The following ZC3H13 variants were observed in gnomAD, a reference collection of about 807,000 sequenced individuals.
ZC3H13 encodes the protein zinc finger CCCH-type containing 13.
A neutral mutation model predicts 204.1 loss-of-function variants in ZC3H13; 64 were observed. The observed-to-expected ratio is 0.31, with a 90% CI of 0.26 to 0.39. The LOEUF (loss-of-function observed/expected upper bound fraction) is 0.39, where lower values mean the gene tolerates loss of function less well. Among genes scored for constraint, ZC3H13 ranks in the 10% least tolerant of loss-of-function variants. The pLI, the probability that ZC3H13 is intolerant of heterozygous loss-of-function variation, is 1.00. For missense variants in ZC3H13, 1,833 were observed against 2,082.7 expected (o/e 0.88, Z 2.33); for synonymous variants, 667 against 693.7 (o/e 0.96, Z 0.60).
At chr13:46,018,968 T>A (rs2042070708) in intron 5 of ZC3H13, among the ~76,000 whole-genome samples, 1 of 152,176 alleles carries the variant, frequency 6.6e-6, no homozygotes, top group South Asian at 2.1e-4. Flanking sequence ...TTTATTTAAA[T>A]ATACTAGTCA....
chr13:46,049,322 A>T (rs1160541246), intron 1 of ZC3H13, among the ~76,000 whole-genome samples: 1 of 152,000 alleles, frequency 6.6e-6, no homozygotes, highest in Admixed American at 6.5e-5. Context: ...ACATATTCTT[A>T]ATAAAATGTT....
chr13:45,959,464 TC>T lies in ZC3H13; in HGVS notation c.4839+18del. 2 of 1,517,910 alleles carry T rather than the reference TC, an allele frequency of 1.3e-6. No homozygotes were observed. The highest frequency in any genetic ancestry group is 5.0e-5 in the East Asian group (2 of 39,768). The allele number at this position is 1,517,910 out of a possible 1,614,324, so 94.0% of individuals were successfully genotyped here. A position where few individuals can be genotyped will look rare whatever the true frequency, so the allele number is the denominator to read the frequency against. On this transcript the variant is annotated intron_variant, in intron 18 of 18. Coordinates refer to ENST00000679008, the MANE Select transcript of ZC3H13 (RefSeq NM_001330564.2). ...TTCACACTATTCACTTTGTATTTTTTCCAAGGAAATAACAGTACCTTCTCAT... is the reference window on the plus strand; with the variant it reads ...TTCACACTATTCACTTTGTATTTTTTCAAGGAAATAACAGTACCTTCTCAT...
intron 1 of ZC3H13, chr13:46,051,903 C>T (rs2044456309): frequency 6.6e-6 from 1 of 150,692 alleles, no homozygotes; most frequent in African/African-American, 2.4e-5. Flanking sequence ...CACTTTCCCC[C>T]GTTTCTGACA....
intron 12 of ZC3H13, among the ~76,000 whole-genome samples, chr13:45,970,900 C>G (rs1242006939): frequency 6.6e-6 from 1 of 152,124 alleles, no homozygotes; most frequent in Non-Finnish European, 1.5e-5. Flanking sequence ...ATGAGTTCAA[C>G]TTATAACTAC....
intron 4 of ZC3H13, among the ~76,000 whole-genome samples, chr13:46,022,471 A>T (rs1034862476): frequency 2.6e-5 from 4 of 151,930 alleles, no homozygotes; most frequent in East Asian, 3.8e-4. Context: ...TTATACTCAA[A>T]TAAATAGGGT....
intron 4 of ZC3H13, among the ~76,000 whole-genome samples, chr13:46,041,589 T>G (rs1237858272): frequency 6.6e-6 from 1 of 152,122 alleles, no homozygotes; most frequent in Admixed American, 6.6e-5. Flanking sequence ...GATAAATTTC[T>G]AGAAAAAAAT....
chr13:46,020,693 C>T, intron 4 of ZC3H13, 136 bp from the exon 5 acceptor site: 1 of 604,064 alleles, frequency 1.7e-6, no homozygotes, highest in South Asian at 2.3e-5. Context: ...GTCACTTATC[C>T]ACTAAGTAGA....
At chr13:46,024,636 T>G (rs1429471229) in intron 4 of ZC3H13, among the ~76,000 whole-genome samples, 1 of 152,154 alleles carries the variant, frequency 6.6e-6, no homozygotes, top group African/African-American at 2.4e-5. Context: ...CTATCTCTCA[T>G]GTACTGCACA....
chr13:45,992,860 C>T (rs1230641162), intron 8 of ZC3H13, among the ~76,000 whole-genome samples: 1 of 152,146 alleles, frequency 6.6e-6, no homozygotes, highest in Non-Finnish European at 1.5e-5. Flanking sequence ...TCTACCCTTG[C>T]TTCTCAGGTC....
At chr13:45,985,831 A>T (rs1227820920) in intron 9 of ZC3H13, 70 bp from the exon 10 acceptor site, 2 of 1,348,618 alleles carry the variant, frequency 1.5e-6, no homozygotes, top group South Asian at 2.9e-5. Flanking sequence ...AAACATATTT[A>T]ATACAGAACT....
chr13:46,044,442 C>A (rs187899835), intron 3 of ZC3H13, among the ~76,000 whole-genome samples: 1 of 151,870 alleles, frequency 6.6e-6, no homozygotes, highest in Admixed American at 6.6e-5. Context: ...AAACGATGTT[C>A]GAAATATGGA....
intron 8 of ZC3H13, among the ~76,000 whole-genome samples, chr13:45,998,523 C>T (rs368439853): frequency 5.3e-5 from 8 of 151,830 alleles, no homozygotes; most frequent in African/African-American, 1.9e-4. Context: ...GTGGTGGGCG[C>T]CTGTAGTCCC....
At chr13:46,040,037 C>G (rs1418909318) in intron 4 of ZC3H13, among the ~76,000 whole-genome samples, 2 of 152,036 alleles carry the variant, frequency 1.3e-5, no homozygotes, top group African/African-American at 2.4e-5. Flanking sequence ...TAGCCCCAAC[C>G]CAGAAATTCT....
In ZC3H13 at chr13:45,985,659, C is replaced by T; in HGVS notation, c.1358G>A (p.Arg453Gln). 4 of 1,614,008 alleles carry T rather than the reference C, an allele frequency of 2.5e-6. No individual in the cohort carries two copies. The highest frequency in any genetic ancestry group is 1.7e-5 in the Admixed American group (1 of 60,008). The change falls in exon 10 of 19, where the codon CGA becomes CAA. Residue 453 changes from arginine to glutamine, a missense_variant. Physicochemically the swap from Arg to Gln is conservative, Grantham distance 43. Coordinates refer to ENST00000679008, the MANE Select transcript of ZC3H13 (RefSeq NM_001330564.2). ...GGCATCTCTCCGATCCCGACCATCTCGAGGTTCTCTGTCATCTCTGTGGTC... is the reference window on the plus strand; with the variant it reads ...GGCATCTCTCCGATCCCGACCATCTTGAGGTTCTCTGTCATCTCTGTGGTC... ...SRDHRDDREP[R>Q]DGRDRRDARD...
At chr13:45,962,683 T>A (rs1018439583) in intron 17 of ZC3H13, 27 of 980,620 alleles carry the variant, frequency 2.8e-5, no homozygotes, top group Admixed American at 2.5e-4. Flanking sequence ...AGGAAGGGCA[T>A]GAATTCATAA....
intron 10 of ZC3H13, among the ~76,000 whole-genome samples, chr13:45,983,274 T>C (rs1349474061): frequency 6.6e-6 from 1 of 150,618 alleles, no homozygotes; most frequent in Non-Finnish European, 1.5e-5. Flanking sequence ...ACAACTAAAA[T>C]GGGGGGAGAG....
At chr13:46,052,322 G>T (rs181900083) in intron 1 of ZC3H13, 82 bp downstream of exon 1, 26 of 385,506 alleles carry the variant, frequency 6.7e-5, no homozygotes, top group African/African-American at 2.0e-4. Context: ...AGCAAAGACG[G>T]GGGGGGGTAA....
Position 45,959,579 on chromosome 13 carries a change from T to C in ZC3H13, c.4743A>G (p.Glu1581=). 6.5e-7 allele frequency: 1 copy of C among 1,549,412 alleles called. No individual in the cohort carries two copies. Residue 1581 remains glutamate (E), a synonymous_variant, in exon 18 of 19, where the codon GAA becomes GAG. Coordinates refer to ENST00000679008, the MANE Select transcript of ZC3H13 (RefSeq NM_001330564.2). ...LNMAALLRKE[E]RASLLSNLGP... ...CAAGATTACTAAGAAGACTTGCTCT[T>C]TCTTCTTTTCGTAGTAATGCAGCCA...
At chr13:45,987,449 T>A (rs1302338779) in intron 9 of ZC3H13, among the ~76,000 whole-genome samples, 2 of 152,174 alleles carry the variant, frequency 1.3e-5, no homozygotes, top group African/African-American at 2.4e-5. Flanking sequence ...TTATTAAAAT[T>A]TATAGAAAGG....
Sources: gnomAD v4.1 joint callset for allele counts (sites outside exome capture counted in the v4.1 genomes callset) on GRCh38, gnomAD v4.1.1 for gene constraint, MANE v1.5 for transcripts, NCBI Gene and HGNC (gene_info 2026-07-23, HGNC 2026-07-21) for gene names.